Variants in GRIK1 observed in about 807,000 individuals in gnomAD.
GRIK1 encodes the protein glutamate receptor ionotropic, kainate 1.
In GRIK1, 69 loss-of-function variants were observed where a neutral mutation model predicts 105.7. The ratio of observed to expected loss-of-function variants is 0.65; its 90% CI spans 0.54 to 0.80. The LOEUF is 0.80. GRIK1 is among the 30% of genes least tolerant of loss of function. GRIK1 has a pLI of 0.00. For missense variants in GRIK1, 1,109 were observed against 1,167.3 expected (o/e 0.95, Z 0.73); for synonymous variants, 438 against 431.3 (o/e 1.02, Z -0.19).
chr21:29,618,614 T>A (rs2146410763), intron 7 of GRIK1, among the ~76,000 whole-genome samples: 1 of 152,268 alleles, frequency 6.6e-6, no homozygotes, highest in African/African-American at 2.4e-5. Context: ...GGAACTCAAA[T>A]GCCCATCAAT....
At chr21:29,560,504 C>T (rs12233315) in intron 15 of GRIK1, among the ~76,000 whole-genome samples, 10 of 26,522 alleles carry the variant, frequency 3.8e-4, no homozygotes, top group Non-Finnish European at 5.1e-4. Flanking sequence ...TCTTTCCTTC[C>T]TTCCTTCCTT....
At chr21:29,559,194 G>T (rs1428865068) in intron 15 of GRIK1, among the ~76,000 whole-genome samples, 1 of 152,112 alleles carries the variant, frequency 6.6e-6, no homozygotes, top group African/African-American at 2.4e-5. Flanking sequence ...TCAGGCAAAG[G>T]TACCTACTCT....
chr21:29,619,670 A>C (rs931674246), intron 7 of GRIK1, among the ~76,000 whole-genome samples: 1 of 152,206 alleles, frequency 6.6e-6, no homozygotes, highest in Non-Finnish European at 1.5e-5. Context: ...AGGACCTAAG[A>C]AAAGGAAAAA....
chr21:29,874,858 A>G (rs995384704), intron 1 of GRIK1, among the ~76,000 whole-genome samples: 2 of 152,218 alleles, frequency 1.3e-5, no homozygotes, highest in African/African-American at 4.8e-5. Flanking sequence ...TTTGAACCAT[A>G]TCAGCCATGT....
At chr21:29,750,366 C>A (rs1040034978) in intron 1 of GRIK1, among the ~76,000 whole-genome samples, 3 of 151,362 alleles carry the variant, frequency 2.0e-5, no homozygotes, top group Admixed American at 1.3e-4. Flanking sequence ...AAAGGAAAGA[C>A]AAGCCAACCA....
At chr21:29,711,382 T>A (rs912547358) in intron 1 of GRIK1, among the ~76,000 whole-genome samples, 5 of 152,182 alleles carry the variant, frequency 3.3e-5, no homozygotes, top group African/African-American at 4.8e-5. Flanking sequence ...ATAGCCTACA[T>A]GTGTAATAAG....
At chr21:29,656,047 A>AT (rs529096273) in intron 4 of GRIK1, among the ~76,000 whole-genome samples, 33 of 151,452 alleles carry the variant, frequency 2.2e-4, no homozygotes, top group African/African-American at 2.9e-4. Context: ...TTTTATTTTT[A>AT]TTTTTTTTGT....
At chr21:29,745,730 G>C (rs1173109248) in intron 1 of GRIK1, among the ~76,000 whole-genome samples, 3 of 152,202 alleles carry the variant, frequency 2.0e-5, no homozygotes, top group Non-Finnish European at 4.4e-5. Flanking sequence ...GAAATGAAAA[G>C]TGGGTCCATG....
At chr21:29,777,096 A>G (rs887241242) in intron 1 of GRIK1, among the ~76,000 whole-genome samples, 2 of 152,178 alleles carry the variant, frequency 1.3e-5, no homozygotes, top group African/African-American at 4.8e-5. Flanking sequence ...CAAGAATCCA[A>G]TTCTCAGGCC....
At chr21:29,609,900 G>A (rs1307072331) in intron 7 of GRIK1, among the ~76,000 whole-genome samples, 1 of 151,982 alleles carries the variant, frequency 6.6e-6, no homozygotes, top group Non-Finnish European at 1.5e-5. Context: ...TATTGGTTTT[G>A]TTTCTCTGGA....
At chr21:29,644,277 A>C (rs2062573612) in intron 6 of GRIK1, among the ~76,000 whole-genome samples, 1 of 152,082 alleles carries the variant, frequency 6.6e-6, no homozygotes, top group Non-Finnish European at 1.5e-5. Context: ...TTTTCCATCT[A>C]TTCATGGTCA....
intron 1 of GRIK1, chr21:29,748,922 A>T (rs1207186085): frequency 3.3e-5 from 5 of 152,168 alleles, no homozygotes; most frequent in Admixed American, 3.3e-4. Flanking sequence ...TCTGATCCTA[A>T]TTCGATCTGG....
intron 1 of GRIK1, among the ~76,000 whole-genome samples, chr21:29,813,217 A>T (rs2067060606): frequency 6.6e-6 from 1 of 152,176 alleles, no homozygotes; most frequent in African/African-American, 2.4e-5. Context: ...ACAAACCTGA[A>T]GCATTGTAAA....
chr21:29,808,597 G>A (rs1343468550), intron 1 of GRIK1, among the ~76,000 whole-genome samples: 1 of 152,124 alleles, frequency 6.6e-6, no homozygotes, highest in Non-Finnish European at 1.5e-5. Flanking sequence ...ATAAAGCAAG[G>A]CCAATTTCTT....
chr21:29,865,547 A>G (rs1382866694), intron 1 of GRIK1, among the ~76,000 whole-genome samples: 2 of 152,248 alleles, frequency 1.3e-5, no homozygotes, highest in Non-Finnish European at 2.9e-5. Flanking sequence ...AAACACAATG[A>G]AGACAAGCAG....
intron 7 of GRIK1, among the ~76,000 whole-genome samples, chr21:29,623,603 C>T (rs1232845866): frequency 6.6e-6 from 1 of 152,050 alleles, no homozygotes; most frequent in Non-Finnish European, 1.5e-5. Context: ...TCTTTAATTG[C>T]TCAATGTATA....
intron 1 of GRIK1, among the ~76,000 whole-genome samples, chr21:29,768,124 T>C (rs1231741784): frequency 6.6e-6 from 1 of 152,124 alleles, no homozygotes; most frequent in Non-Finnish European, 1.5e-5. Context: ...AAAATGATTA[T>C]CGAGAGTTTT....
Position 29,821,351 on chromosome 21 carries a change from C to T in GRIK1, c.118+118032G>A, listed in dbSNP as rs149333369. Among the ~76,000 whole-genome samples the T allele has an allele frequency of 3.7e-3, 568 of 152,156 alleles. 4 individuals carry two copies. Among genetic ancestry groups the T allele is most frequent in the African/African-American group, 0.013 (542 of 41,520 alleles). On this transcript the variant is annotated intron_variant, in intron 1 of 17. Coordinates refer to ENST00000327783, the MANE Select transcript of GRIK1 (RefSeq NM_001330994.2). ...TGCAGTTGCAGGCCTCAGTCTATGG[C>T]ACATATCAAGCAATTCAACTTTTTC...
chr21:29,880,937 A>G (rs1448832953), intron 1 of GRIK1, among the ~76,000 whole-genome samples: 2 of 152,138 alleles, frequency 1.3e-5, no homozygotes, highest in Non-Finnish European at 2.9e-5. Flanking sequence ...CTAGGTGATA[A>G]GGTGAAGATC....
Sources: allele counts gnomAD v4.1 joint callset (sites outside exome capture counted in the v4.1 genomes callset), GRCh38; gene constraint gnomAD v4.1.1; transcripts MANE v1.5; gene names NCBI Gene and HGNC (gene_info 2026-07-23, HGNC 2026-07-21).